The following ARHGEF7 variants were observed in gnomAD, a reference collection of about 807,000 sequenced individuals.
ARHGEF7 encodes PAK-interacting exchange factor beta.
Under a neutral mutation model 109.8 loss-of-function variants are expected in ARHGEF7, and 33 were observed. The observed-to-expected ratio is 0.30, with a 90% CI of 0.23 to 0.40. ARHGEF7 has a LOEUF of 0.40. Among genes scored for constraint, ARHGEF7 ranks in the 10% least tolerant of loss-of-function variants. The probability of loss-of-function intolerance (pLI) is 1.00; values close to 1 mark genes in which losing one functional copy is unlikely to be tolerated. For missense variants in ARHGEF7, 938 were observed against 1,098.5 expected, an observed-to-expected ratio of 0.85 and a Z score of 2.07; for synonymous variants, 458 against 424.6, an observed-to-expected ratio of 1.08 and a Z score of -0.97.
At chr13:111,262,780 C>T (rs912063489) in intron 8 of ARHGEF7, among the ~76,000 whole-genome samples, 4 of 152,244 alleles carry the variant, frequency 2.6e-5, no homozygotes, top group African/African-American at 9.6e-5. Context: ...GTTGCTGTTA[C>T]TGTGAAGATG....
In ARHGEF7 at chr13:111,272,147, T is replaced by C. The variant is rs1177955799; in HGVS notation, c.1074-1667T>C. ...TTCATTGGAGGACATTCTCCCTGGCTGCCCTGGCAGGGGATCCACATGGAA... is the reference window on the plus strand; with the variant it reads ...TTCATTGGAGGACATTCTCCCTGGCCGCCCTGGCAGGGGATCCACATGGAA... On this transcript the variant is annotated intron_variant, in intron 9 of 21. Transcript: ENST00000646102. The surrounding 1 kb of genome is among the most constrained non-coding windows in gnomAD (Gnocchi z 5.2). 6.6e-6 allele frequency among the ~76,000 whole-genome samples: 1 copy of C among 152,220 alleles called. No individual in the cohort carries two copies. The highest frequency in any genetic ancestry group is 6.5e-5 in the Admixed American group (1 of 15,280).
chr13:111,137,020 A>G (rs1166353649), intron 1 of ARHGEF7, among the ~76,000 whole-genome samples: 3 of 152,200 alleles, frequency 2.0e-5, no homozygotes, highest in Admixed American at 6.5e-5. Context: ...TCCTCAACAC[A>G]TACACCCTCC....
At chr13:111,295,993 C>G (rs1347544032) in intron 19 of ARHGEF7, among the ~76,000 whole-genome samples, 4 of 152,232 alleles carry the variant, frequency 2.6e-5, no homozygotes, top group Non-Finnish European at 5.9e-5. Context: ...TGCATGCACA[C>G]CACACTGGTG....
intron 4 of ARHGEF7, among the ~76,000 whole-genome samples, chr13:111,211,206 G>T (rs2082449099): frequency 6.6e-6 from 1 of 152,166 alleles, no homozygotes; most frequent in African/African-American, 2.4e-5. Context: ...GCAGGAGCCT[G>T]TTCTGGAAGA....
chr13:111,273,998 G>A lies in ARHGEF7; in HGVS notation c.1212+46G>A, dbSNP rs752648437. 6.9e-6 allele frequency: 11 copies of A among 1,602,338 alleles called. No individual in the cohort carries two copies. Among genetic ancestry groups the A allele is most frequent in the Non-Finnish European group, 7.7e-6 (9 of 1,170,574 alleles). Reference sequence around the variant, plus strand: ...TACTTGGAGTCCTTACCAAGGGTTAGTGGCATGGTCAGACTTACTGTGAAA... The same window carrying A: ...TACTTGGAGTCCTTACCAAGGGTTAATGGCATGGTCAGACTTACTGTGAAA... On this transcript the variant is annotated intron_variant, in intron 10 of 21. Transcript: ENST00000646102. This position sits in a 1 kb window ranked among gnomAD's most constrained non-coding sequence, Gnocchi z 4.5.
At chr13:111,285,889 G>C (rs1218871169) in intron 16 of ARHGEF7, among the ~76,000 whole-genome samples, 1 of 151,484 alleles carries the variant, frequency 6.6e-6, no homozygotes, top group Admixed American at 6.6e-5. Context: ...GGACTAACAG[G>C]ACCCAAATGA....
At chr13:111,235,406 TA>T (rs1238225409) in intron 6 of ARHGEF7, among the ~76,000 whole-genome samples, 1 of 152,242 alleles carries the variant, frequency 6.6e-6, no homozygotes, top group Non-Finnish European at 1.5e-5. Context: ...ACTGTCCTTT[TA>T]CAGAGAGAAT....
At chr13:111,274,151 A>T (rs1025616688) in intron 10 of ARHGEF7, among the ~76,000 whole-genome samples, 199 bp downstream of exon 10, 4 of 152,140 alleles carry the variant, frequency 2.6e-5, no homozygotes, top group Admixed American at 2.0e-4. Flanking sequence ...TCTCTCTTTT[A>T]CCCACTGCTG....
At chr13:111,297,353 C>T (rs1309444445) in intron 19 of ARHGEF7, among the ~76,000 whole-genome samples, 1 of 152,184 alleles carries the variant, frequency 6.6e-6, no homozygotes, top group East Asian at 1.9e-4. Context: ...AGCAGTACAT[C>T]CTATCTGTGA....
At chr13:111,175,040 T>G (rs989917447) in intron 2 of ARHGEF7, among the ~76,000 whole-genome samples, 23 of 152,214 alleles carry the variant, frequency 1.5e-4, no homozygotes, top group Non-Finnish European at 3.4e-4. Flanking sequence ...CTGTTTTAAG[T>G]TGAATTAAAT....
intron 13 of ARHGEF7, among the ~76,000 whole-genome samples, chr13:111,278,555 A>G (rs1005647073): frequency 7.2e-5 from 11 of 152,198 alleles, no homozygotes. Context: ...ATACGCTTAC[A>G]CCAACACACG....
At chr13:111,259,962 G>T (rs1046071726) in intron 8 of ARHGEF7, among the ~76,000 whole-genome samples, 1 of 152,170 alleles carries the variant, frequency 6.6e-6, no homozygotes, top group Non-Finnish European at 1.5e-5. Flanking sequence ...GTTGAAAAAT[G>T]TAGTTGACGT....
chr13:111,284,897 T>G (rs1207420999), intron 16 of ARHGEF7, among the ~76,000 whole-genome samples: 1 of 152,266 alleles, frequency 6.6e-6, no homozygotes, highest in Non-Finnish European at 1.5e-5. Context: ...GGGCGTTGGC[T>G]CTTCAAGGCT....
chr13:111,280,782 TAA>T, intron 15 of ARHGEF7, 105 bp downstream of exon 15: 1 of 1,292,436 alleles, frequency 7.7e-7, no homozygotes, highest in Non-Finnish European at 1.0e-6. Flanking sequence ...AATATTTGGA[TAA>T]AAAGTGCAAA....
chr13:111,234,320 G>T (rs554329844), intron 6 of ARHGEF7, among the ~76,000 whole-genome samples: 29 of 152,112 alleles, frequency 1.9e-4, no homozygotes, highest in Non-Finnish European at 3.7e-4. Context: ...TGTGCTGCGG[G>T]GCTTGCACTC....
chr13:111,286,243 G>A lies in ARHGEF7; in HGVS notation c.2044+3G>A. 6.2e-7 allele frequency: 1 copy of A among 1,612,250 alleles called. No individual in the cohort carries two copies. The highest frequency in any genetic ancestry group is 2.2e-5 in the East Asian group (1 of 44,852). The stretch of plus-strand genomic sequence containing the variant: ...TGAGGAGTTCGCGTCCCGGAAAAGT[G>A]AGTACCTGCGGTCCGTGTGGTGGAG... On this transcript the variant is annotated splice_donor_region_variant and intron_variant, in intron 17 of 21. Transcript: ENST00000646102.
At chr13:111,277,476 A>T (rs2092554058) in intron 12 of ARHGEF7, 111 bp from the exon 13 acceptor site, 2 of 650,288 alleles carry the variant, frequency 3.1e-6, no homozygotes, top group Non-Finnish European at 5.4e-6. Context: ...TAAACGAGAA[A>T]TATCATGTAA....
rs1033799634 is a variant in ARHGEF7 at position 111,267,679 on chromosome 13, G to C, written c.1073+9G>C. ...GTCCTCACGGAACACAGGTGCGCTT[G>C]CTAGGCACCTTGGCAACAGGGAGGG... On this transcript the variant is annotated intron_variant, in intron 9 of 21. Transcript: ENST00000646102. 2.5e-6 allele frequency: 4 copies of C among 1,613,386 alleles called. No individual in the cohort carries two copies. Among genetic ancestry groups the C allele is most frequent in the South Asian group, 2.2e-5 (2 of 91,020 alleles).
chr13:111,280,212 G>A, intron 13 of ARHGEF7, 60 bp from the exon 14 acceptor site: 5 of 1,488,460 alleles, frequency 3.4e-6, no homozygotes, highest in Non-Finnish European at 4.6e-6. Flanking sequence ...TTTAATAATG[G>A]TACCTTTTTC....
Sources: gnomAD v4.1 joint callset for allele counts (sites outside exome capture counted in the v4.1 genomes callset) on GRCh38, gnomAD v4.1.1 for gene constraint, Gnocchi (gnomAD v3.1) non-coding constraint, MANE v1.5 for transcripts, NCBI Gene and HGNC (gene_info 2026-07-23, HGNC 2026-07-21) for gene names.